The following CXXC4 variants were observed in gnomAD, a reference collection of about 807,000 sequenced individuals.
CXXC4 encodes CXXC-type zinc finger protein 4.
In CXXC4, 5 loss-of-function variants were observed where a neutral mutation model predicts 20.5. The observed-to-expected ratio is 0.24, with a 90% CI of 0.13 to 0.51. The LOEUF is 0.51. Among genes scored for constraint, CXXC4 ranks in the 20% least tolerant of loss-of-function variants. The probability of loss-of-function intolerance (pLI) is 0.97; values close to 1 mark genes in which losing one functional copy is unlikely to be tolerated. For missense variants in CXXC4, 419 were observed against 496.4 expected (o/e 0.84, Z 1.48); for synonymous variants, 250 against 216.4 (o/e 1.16, Z -1.36).
rs1353996618 is a variant in CXXC4 at position 104,468,428 on chromosome 4, A to G, written c.*3894T>C. ...TTTTTTACAGTTTTGTACATGCCCC[A>G]TAAGTAATTTTCTTTAATAAATACA... On this transcript the variant is annotated 3_prime_UTR_variant, in exon 3 of 3. Transcript: ENST00000394767. 6.8e-6 allele frequency: 1 copy of G among 146,126 alleles called. No homozygotes were observed. The highest frequency in any genetic ancestry group is 2.1e-4 in the South Asian group (1 of 4,680). The allele number at this position is 146,126 out of a possible 1,614,324, so 9.1% of individuals were successfully genotyped here. A position where few individuals can be genotyped will look rare whatever the true frequency, so the allele number is the denominator to read the frequency against.
rs1266964847 is a variant in CXXC4 at position 104,470,185 on chromosome 4, C to T, written c.*2137G>A. ...GGAAAAGGAAAAAAAAAAAAAAACTCATACAGCTCTCATTGGTCCCACAGC... is the reference window on the plus strand; with the variant it reads ...GGAAAAGGAAAAAAAAAAAAAAACTTATACAGCTCTCATTGGTCCCACAGC... On this transcript the variant is annotated 3_prime_UTR_variant, in exon 3 of 3. Transcript: ENST00000394767. The T allele has an allele frequency of 7.1e-6, 1 of 140,786 alleles. No homozygotes were observed. Among genetic ancestry groups the T allele is most frequent in the Non-Finnish European group, 1.6e-5 (1 of 64,082 alleles). The allele number at this position is 140,786 out of a possible 1,614,324, so 8.7% of individuals were successfully genotyped here.
chr4:104,479,687 T>C (rs997361587), intron 2 of CXXC4, among the ~76,000 whole-genome samples: 1 of 152,122 alleles, frequency 6.6e-6, no homozygotes, highest in East Asian at 1.9e-4. Context: ...ATTAAAACTA[T>C]AGTTCTAATA....
chr4:104,485,142 C>T (rs142783884), intron 2 of CXXC4, among the ~76,000 whole-genome samples: 174 of 152,114 alleles, frequency 1.1e-3, no homozygotes, highest in Non-Finnish European at 2.4e-3. Flanking sequence ...CTAGAATGCC[C>T]TACTTCCCCA....
intron 2 of CXXC4, among the ~76,000 whole-genome samples, chr4:104,483,579 T>C (rs536838252): frequency 6.6e-6 from 1 of 151,938 alleles, no homozygotes; most frequent in South Asian, 2.1e-4. Flanking sequence ...TTATTTCCTA[T>C]GTACACTCAT....
At position 104,491,837 on chromosome 4, in the gene CXXC4, G is replaced by T; in HGVS notation, c.-35C>A. On this transcript the variant is annotated 5_prime_UTR_variant, in exon 2 of 3. Coordinates refer to ENST00000394767, the MANE Select transcript of CXXC4 (RefSeq NM_025212.4). ...GGGGAAGAAGGGGTGCAGGGTGGAA[G>T]TGGGGACCGCCTGGTCCGACACCTG... 8.4e-7 allele frequency: 1 copy of T among 1,194,244 alleles called. No individual in the cohort carries two copies. Among genetic ancestry groups the T allele is most frequent in the Non-Finnish European group, 1.0e-6 (1 of 955,198 alleles). 74.0% of individuals were successfully genotyped at this position (1,194,244 alleles called of 1,614,324 possible).
At position 104,469,159 on chromosome 4, in the gene CXXC4, TAGAC is replaced by T. The variant is rs1159066460; in HGVS notation, c.*3159_*3162del. On this transcript the variant is annotated 3_prime_UTR_variant, in exon 3 of 3. Coordinates refer to ENST00000394767, the MANE Select transcript of CXXC4 (RefSeq NM_025212.4). The stretch of plus-strand genomic sequence containing the variant: ...TCTACTTTGAATCTGACTCCACTTG[TAGAC>T]AGACAGGCAGAGTCCATCAGAAAGC... The T allele has an allele frequency of 1.3e-5, 2 of 152,202 alleles. No homozygotes were observed. Among genetic ancestry groups the T allele is most frequent in the East Asian group, 1.9e-4 (1 of 5,176 alleles). 9.4% of individuals were successfully genotyped at this position (152,202 alleles called of 1,614,324 possible).
rs924648643 is a variant in CXXC4 at position 104,491,428 on chromosome 4, TCCG to T, written c.372_374del (p.Gly134del). The T allele has an allele frequency of 3.0e-3, 2,459 of 814,166 alleles. No homozygotes were observed. The highest frequency in any genetic ancestry group is 4.2e-3 in the East Asian group (95 of 22,720). The allele number at this position is 814,166 out of a possible 1,614,324, so 50.4% of individuals were successfully genotyped here. A position where few individuals can be genotyped will look rare whatever the true frequency, so the allele number is the denominator to read the frequency against. Reference sequence around the variant, plus strand: ...CGCCCCCACCACCCCCGCCCCCGCCTCCGCCGCCGCCGCCGCCGCCGCCACCCC... The same window carrying T: ...CGCCCCCACCACCCCCGCCCCCGCCTCCGCCGCCGCCGCCGCCGCCACCCC... On this transcript the variant is annotated inframe_deletion, in exon 2 of 3. Transcript: ENST00000394767.
chr4:104,483,559 T>C (rs1736607720), intron 2 of CXXC4, among the ~76,000 whole-genome samples: 1 of 151,972 alleles, frequency 6.6e-6, no homozygotes, highest in Non-Finnish European at 1.5e-5. Context: ...AAAATGCATA[T>C]CTACCTGTTT....
intron 2 of CXXC4, among the ~76,000 whole-genome samples, chr4:104,475,506 G>A (rs1441116483): frequency 1.3e-5 from 2 of 152,080 alleles, no homozygotes; most frequent in Non-Finnish European, 2.9e-5. Context: ...AGCCAAGCTG[G>A]GTGAAGCAAC....
chr4:104,488,958 GA>G (rs1413669953), intron 2 of CXXC4, among the ~76,000 whole-genome samples: 1 of 152,154 alleles, frequency 6.6e-6, no homozygotes, highest in African/African-American at 2.4e-5. Flanking sequence ...TACATTTCAA[GA>G]GGAAAAATAA....
chr4:104,479,760 CCCTT>C (rs373831382), intron 2 of CXXC4, among the ~76,000 whole-genome samples: 2 of 147,400 alleles, frequency 1.4e-5, no homozygotes, highest in African/African-American at 2.5e-5. Context: ...CCCTCTCCCT[CCCTT>C]CCTTCCTTCC....
intron 1 of CXXC4, among the ~76,000 whole-genome samples, chr4:104,493,699 T>C (rs1250439502): frequency 6.6e-6 from 1 of 152,188 alleles, no homozygotes; most frequent in East Asian, 1.9e-4. Context: ...TGCTGCCTTC[T>C]CAGGTCTGAG....
rs1458817595 is a variant in CXXC4, at chr4:104,491,575, G to C, written c.228C>G (p.Ala76=). ...ITTPIFPSSA[A]AAAAAARIGM... ...CGATGCGCGCGGCGGCCGCGGCGGCGGCGGCGCTGCTGGGGAAGATGGGGG... is the reference window on the plus strand; with the variant it reads ...CGATGCGCGCGGCGGCCGCGGCGGCCGCGGCGCTGCTGGGGAAGATGGGGG... The change falls in exon 2 of 3, where the codon GCC becomes GCG. Residue 76 remains alanine (A), a synonymous_variant. Coordinates refer to ENST00000394767, the MANE Select transcript of CXXC4 (RefSeq NM_025212.4). 45 of 1,519,066 alleles carry C rather than the reference G, an allele frequency of 3.0e-5. No homozygotes were observed. In the African/African-American group the frequency reaches 5.4e-4, roughly 18 times the overall value. The allele number at this position is 1,519,066 out of a possible 1,614,324, so 94.1% of individuals were successfully genotyped here.
At position 104,478,933 on chromosome 4, in the gene CXXC4, T is replaced by C. The variant is rs558592760; in HGVS notation, c.1060-6567A>G. Among the ~76,000 whole-genome samples the C allele has an allele frequency of 1.1e-4, 16 of 152,136 alleles. No individual in the cohort carries two copies. In the East Asian group the frequency reaches 3.1e-3, roughly 29 times the overall value. On this transcript the variant is annotated intron_variant, in intron 2 of 2. Coordinates refer to ENST00000394767, the MANE Select transcript of CXXC4 (RefSeq NM_025212.4). ...GTCATATGTTCATATTTCATTTGCA[T>C]GTATATATATGTATAAATATATATG...
chr4:104,475,198 G>A (rs1736373714), intron 2 of CXXC4: 1 of 152,060 alleles, frequency 6.6e-6, no homozygotes, highest in African/African-American at 2.4e-5. Flanking sequence ...AGGTAAGCAG[G>A]GAAGCCTCTT....
intron 2 of CXXC4, among the ~76,000 whole-genome samples, chr4:104,488,184 TC>T (rs931269778): frequency 6.6e-6 from 1 of 152,160 alleles, no homozygotes; most frequent in African/African-American, 2.4e-5. Flanking sequence ...CCACAATGAG[TC>T]CCCAAATCAC....
In CXXC4 at chr4:104,490,623, A is replaced by C. The variant is rs1258977602; in HGVS notation, c.1059+121T>G. 4.3e-6 allele frequency: 4 copies of C among 934,694 alleles called. No homozygotes were observed. The Admixed American group carries it at 7.0e-5, about 16-fold the overall frequency. 57.9% of individuals were successfully genotyped at this position (934,694 alleles called of 1,614,324 possible). The stretch of plus-strand genomic sequence containing the variant: ...TCGCAAACCACCTACAACTCTTACC[A>C]CCTGAATGAAGCTTCTGAGAAGGGG... On this transcript the variant is annotated intron_variant, in intron 2 of 2. Coordinates refer to ENST00000394767, the MANE Select transcript of CXXC4 (RefSeq NM_025212.4).
chr4:104,480,597 T>G (rs963363569), intron 2 of CXXC4, among the ~76,000 whole-genome samples: 1 of 145,584 alleles, frequency 6.9e-6, no homozygotes, highest in Non-Finnish European at 1.5e-5. Context: ...TTCCTGAAAC[T>G]AGTTTTTCCA....
chr4:104,480,406 C>T (rs963384499), intron 2 of CXXC4, among the ~76,000 whole-genome samples: 5 of 152,108 alleles, frequency 3.3e-5, no homozygotes, highest in African/African-American at 1.2e-4. Context: ...AAAAAGTACA[C>T]TGACATTTTG....
Sources: allele counts gnomAD v4.1 joint callset (sites outside exome capture counted in the v4.1 genomes callset), GRCh38; gene constraint gnomAD v4.1.1; transcripts MANE v1.5; gene names NCBI Gene and HGNC (gene_info 2026-07-23, HGNC 2026-07-21).